The following AK2 variants were observed in gnomAD, a reference collection of about 807,000 sequenced individuals.
AK2 encodes adenylate kinase 2.
AK2 carries 15 observed loss-of-function variants against 24.6 expected under a neutral mutation model. The observed-to-expected ratio is 0.61, with a 90% CI of 0.41 to 0.94. The LOEUF is 0.94. Among genes scored for constraint, AK2 ranks in the 40% least tolerant of loss-of-function variants. The probability of loss-of-function intolerance (pLI) is 0.00; values close to 1 mark genes in which losing one functional copy is unlikely to be tolerated. For missense variants in AK2, 257 were observed against 304.1 expected (o/e 0.85, Z 1.15); for synonymous variants, 102 against 114.0 (o/e 0.90, Z 0.67).
intron 4 of AK2, among the ~76,000 whole-genome samples, chr1:33,015,893 AAAAT>A (rs1449606272): frequency 3.9e-5 from 6 of 152,190 alleles, no homozygotes; most frequent in Admixed American, 6.5e-5. Flanking sequence ...TCAAAAAAAT[AAAAT>A]AAATAAAAAT....
chr1:33,020,042 G>T, intron 4 of AK2: 1 of 1,532,484 alleles, frequency 6.5e-7, no homozygotes, highest in Non-Finnish European at 8.7e-7. Flanking sequence ...TCATACTTCT[G>T]GAAGGCACAA....
rs374425523 is a variant in AK2, at chr1:33,012,223, A to G, written c.*958T>C. 3.3e-5 allele frequency: 51 copies of G among 1,535,228 alleles called. No homozygotes were observed. The African/African-American group carries it at 4.8e-4, about 14-fold the overall frequency. On this transcript the variant is annotated 3_prime_UTR_variant, in exon 6 of 6. Transcript: ENST00000672715. ...CAAACCCAATTCCCAAATAATTGCT[A>G]TTTTCAGCATCATGATGCAGATCAC...
Position 33,012,073 on chromosome 1 carries a change from C to A in AK2, c.*1108G>T, listed in dbSNP as rs762915427. ...TTAAAAATAAAAGCAAATAAACCTA[C>A]CCTGGTCTCTTTTTGGGGAAGTAGA... On this transcript the variant is annotated 3_prime_UTR_variant, in exon 6 of 6. Transcript: ENST00000672715. 3 of 1,535,304 alleles carry A rather than the reference C, an allele frequency of 2.0e-6. No homozygotes were observed. The South Asian group carries it at 3.6e-5, about 18-fold the overall frequency.
At chr1:33,023,236 G>C (rs540647303) in intron 2 of AK2, among the ~76,000 whole-genome samples, 1 of 152,162 alleles carries the variant, frequency 6.6e-6, no homozygotes. Flanking sequence ...ATAATAGATT[G>C]TATTTGTCCA....
In AK2 at chr1:33,036,853, C is replaced by A; in HGVS notation, c.-25G>T. 3 of 1,559,958 alleles carry A rather than the reference C, an allele frequency of 1.9e-6. No individual in the cohort carries two copies. Among genetic ancestry groups the A allele is most frequent in the Non-Finnish European group, 2.6e-6 (3 of 1,149,442 alleles). On this transcript the variant is annotated 5_prime_UTR_variant, in exon 1 of 6. Transcript: ENST00000672715. ...TGTCCGCCGAAGTCTCTCACTGCCACCAGTTCGCACGCCTCACAGGTCCAG... is the reference window on the plus strand; with the variant it reads ...TGTCCGCCGAAGTCTCTCACTGCCAACAGTTCGCACGCCTCACAGGTCCAG...
rs1018957347 is a variant in AK2, at chr1:33,008,786, C to T, written c.*4395G>A. 5 of 453,972 alleles carry T rather than the reference C, an allele frequency of 1.1e-5. No individual in the cohort carries two copies. The highest frequency in any genetic ancestry group is 4.0e-5 in the African/African-American group (2 of 50,004). 28.1% of individuals were successfully genotyped at this position (453,972 alleles called of 1,614,324 possible). On this transcript the variant is annotated 3_prime_UTR_variant, in exon 6 of 6. Coordinates refer to ENST00000672715, the MANE Select transcript of AK2 (RefSeq NM_001625.4). The stretch of plus-strand genomic sequence containing the variant: ...AGCCTTTGCATAATACCTGGCACAA[C>T]GTCAGTCTTCCGGGAGTGGTAGGAC...
intron 4 of AK2, among the ~76,000 whole-genome samples, chr1:33,018,756 TCA>T (rs1639349205): frequency 6.6e-6 from 1 of 152,148 alleles, no homozygotes; most frequent in African/African-American, 2.4e-5. Flanking sequence ...CCACCCAACC[TCA>T]GTTAGAAATC....
intron 1 of AK2, among the ~76,000 whole-genome samples, chr1:33,026,978 T>G (rs1316458203): frequency 6.6e-6 from 1 of 151,888 alleles, no homozygotes; most frequent in Non-Finnish European, 1.5e-5. Flanking sequence ...ATACAAAAAT[T>G]AGCTGGGCGT....
intron 2 of AK2, among the ~76,000 whole-genome samples, chr1:33,023,346 C>T (rs1639667937): frequency 6.6e-6 from 1 of 151,936 alleles, no homozygotes; most frequent in African/African-American, 2.4e-5. Context: ...GAGGACTGCT[C>T]CTGGGTTTAG....
At position 33,036,845 on chromosome 1, in the gene AK2, C is replaced by A. The variant is rs1348593738; in HGVS notation, c.-17G>T. The A allele has an allele frequency of 6.3e-7, 1 of 1,575,386 alleles. No homozygotes were observed. Among genetic ancestry groups the A allele is most frequent in the South Asian group, 1.2e-5 (1 of 86,632 alleles). On this transcript the variant is annotated 5_prime_UTR_variant, in exon 1 of 6. Transcript: ENST00000672715. Reference sequence around the variant, plus strand: ...GGGAGCCATGTCCGCCGAAGTCTCTCACTGCCACCAGTTCGCACGCCTCAC... The same window carrying A: ...GGGAGCCATGTCCGCCGAAGTCTCTAACTGCCACCAGTTCGCACGCCTCAC...
Position 33,011,206 on chromosome 1 carries a change from A to G in AK2, c.*1975T>C. ...ACCTCAACTTTGAGGCCAAGTGCTT[A>G]CAATTGTCCCTAGTTAAAGGGGAGC... On this transcript the variant is annotated 3_prime_UTR_variant, in exon 6 of 6. Transcript: ENST00000672715. 1 of 1,307,896 alleles carries G rather than the reference A, an allele frequency of 7.6e-7. No individual in the cohort carries two copies. Among genetic ancestry groups the G allele is most frequent in the Non-Finnish European group, 9.9e-7 (1 of 1,008,102 alleles). 81.0% of individuals were successfully genotyped at this position (1,307,896 alleles called of 1,614,324 possible).
chr1:33,015,359 G>A (rs1455913101), intron 4 of AK2, among the ~76,000 whole-genome samples: 1 of 152,188 alleles, frequency 6.6e-6, no homozygotes, highest in Non-Finnish European at 1.5e-5. Context: ...TCTGTGCTGA[G>A]TCCCTACAGA....
Position 33,024,432 on chromosome 1 carries a change from C to T in AK2, c.219+10G>A, listed in dbSNP as rs749730341. On this transcript the variant is annotated intron_variant, in intron 2 of 5. Transcript: ENST00000672715. ...GGAATATCAACACTCATTGGTACCA[C>T]CAAACCTACCAGTTTCCCAGCATCC... The T allele has an allele frequency of 1.2e-6, 2 of 1,613,674 alleles. No homozygotes were observed. Among genetic ancestry groups the T allele is most frequent in the Non-Finnish European group, 1.7e-6 (2 of 1,179,996 alleles).
At chr1:33,023,964 A>C (rs1482270697) in intron 2 of AK2, among the ~76,000 whole-genome samples, 1 of 152,166 alleles carries the variant, frequency 6.6e-6, no homozygotes, top group Non-Finnish European at 1.5e-5. Flanking sequence ...TGAGGTCAGG[A>C]GTTTGAGACC....
chr1:33,011,216 CTAGT>C lies in AK2; in HGVS notation c.*1961_*1964del, dbSNP rs1440990001. 1 of 1,307,490 alleles carries C rather than the reference CTAGT, an allele frequency of 7.6e-7. No individual in the cohort carries two copies. Among genetic ancestry groups the C allele is most frequent in the Non-Finnish European group, 1.0e-6 (1 of 1,004,760 alleles). 81.0% of individuals were successfully genotyped at this position (1,307,490 alleles called of 1,614,324 possible). On this transcript the variant is annotated 3_prime_UTR_variant, in exon 6 of 6. Transcript: ENST00000672715. Reference sequence around the variant, plus strand: ...TGAGGCCAAGTGCTTACAATTGTCCCTAGTTAAAGGGGAGCTGATTCTAAGATTC... The same window carrying C: ...TGAGGCCAAGTGCTTACAATTGTCCCTAAAGGGGAGCTGATTCTAAGATTC...
intron 4 of AK2, among the ~76,000 whole-genome samples, chr1:33,018,348 G>A (rs1569618547): frequency 6.6e-6 from 1 of 152,066 alleles, no homozygotes; most frequent in African/African-American, 2.4e-5. Context: ...GGTCCGGGGT[G>A]CATTCCCCAG....
intron 4 of AK2, among the ~76,000 whole-genome samples, chr1:33,015,405 C>T (rs1016665323): frequency 2.0e-5 from 3 of 152,254 alleles, no homozygotes; most frequent in Admixed American, 2.0e-4. Flanking sequence ...AATGGCCACA[C>T]CACAGGAGCC....
chr1:33,021,235 C>T (rs1639531100), intron 4 of AK2, 132 bp downstream of exon 4: 21 of 821,544 alleles, frequency 2.6e-5, no homozygotes, highest in Admixed American at 2.0e-4. Flanking sequence ...ACCACTTCAG[C>T]GGATGTCACC....
chr1:33,017,995 C>T (rs954362991), intron 4 of AK2, among the ~76,000 whole-genome samples: 1 of 152,164 alleles, frequency 6.6e-6, no homozygotes, highest in South Asian at 2.1e-4. Flanking sequence ...AAACTCCTGG[C>T]CTCAAGTAAT....
Sources: gnomAD v4.1 joint callset for allele counts (sites outside exome capture counted in the v4.1 genomes callset) on GRCh38, gnomAD v4.1.1 for gene constraint, MANE v1.5 for transcripts, NCBI Gene and HGNC (gene_info 2026-07-23, HGNC 2026-07-21) for gene names.